Variants in LAMA2 observed in about 807,000 individuals in gnomAD.
LAMA2 encodes laminin subunit alpha 2.
A neutral mutation model predicts 364.8 loss-of-function variants in LAMA2; 269 were observed. The ratio of observed to expected loss-of-function variants is 0.74; its 90% confidence interval spans 0.67 to 0.82. The LOEUF is 0.82. LAMA2 is among the 40% of genes least tolerant of loss of function. LAMA2 has a pLI of 0.00. For synonymous variants in LAMA2, 1,379 were observed against 1,370.6 expected, an observed-to-expected ratio of 1.01 and a Z score of -0.14; for missense variants, 3,807 against 3,873.2, an observed-to-expected ratio of 0.98 and a Z score of 0.45.
At chr6:129,060,487 A>G (rs1401658052) in intron 3 of LAMA2, among the ~76,000 whole-genome samples, 1 of 152,214 alleles carries the variant, frequency 6.6e-6, no homozygotes, top group Non-Finnish European at 1.5e-5. Flanking sequence ...TCTCTTCACA[A>G]TATTCAGGTC....
chr6:129,325,310 G>T (rs1187432511), intron 28 of LAMA2, among the ~76,000 whole-genome samples: 1 of 152,128 alleles, frequency 6.6e-6, no homozygotes, highest in Non-Finnish European at 1.5e-5. Context: ...AGGAGCTCAG[G>T]AAAGTATTTA....
intron 19 of LAMA2, among the ~76,000 whole-genome samples, chr6:129,290,930 A>C (rs1789652377): frequency 1.3e-5 from 2 of 152,172 alleles, no homozygotes; most frequent in Admixed American, 1.3e-4. Context: ...AGATACTTGA[A>C]ATGATGTTTT....
chr6:129,103,600 G>T (rs74683518), intron 4 of LAMA2, among the ~76,000 whole-genome samples: 2 of 152,202 alleles, frequency 1.3e-5, no homozygotes, highest in African/African-American at 4.8e-5. Context: ...GATATTTAGA[G>T]ATATTTTATA....
At chr6:129,138,613 T>C (rs10499152) in intron 4 of LAMA2, among the ~76,000 whole-genome samples, 12,337 of 152,226 alleles carry the variant, frequency 0.081, 596 homozygotes, top group Non-Finnish European at 0.11. Context: ...GTTTCATATA[T>C]TCATGGTACT....
At chr6:129,430,338 T>C (rs1781527779) in intron 41 of LAMA2, among the ~76,000 whole-genome samples, 1 of 152,220 alleles carries the variant, frequency 6.6e-6, no homozygotes, top group South Asian at 2.1e-4. Context: ...TTGGTTCAAT[T>C]CAGTACAGTT....
chr6:129,387,161 TA>T (rs1455353193), intron 35 of LAMA2, among the ~76,000 whole-genome samples: 1 of 152,242 alleles, frequency 6.6e-6, no homozygotes, highest in Non-Finnish European at 1.5e-5. Context: ...CTCATGTTTT[TA>T]TTTTCCTTTT....
intron 4 of LAMA2, among the ~76,000 whole-genome samples, chr6:129,111,373 A>G (rs973702154): frequency 5.3e-5 from 8 of 152,080 alleles, no homozygotes; most frequent in African/African-American, 1.9e-4. Context: ...GCAAAGGAAA[A>G]TGGCAGTCCT....
chr6:129,314,508 C>T, intron 23 of LAMA2, 147 bp from the exon 24 acceptor site: 1 of 702,826 alleles, frequency 1.4e-6, no homozygotes. Context: ...ACTACATGTG[C>T]CATTTGAGAT....
rs1160760839 is a variant in LAMA2 at position 129,251,935 on chromosome 6, CA to C, written c.1885-140del. 1,063 of 580,070 alleles carry C rather than the reference CA, an allele frequency of 1.8e-3. 1 individual carries two copies. Among genetic ancestry groups the C allele is most frequent in the African/African-American group, 9.4e-3 (482 of 51,130 alleles). 35.9% of individuals were successfully genotyped at this position (580,070 alleles called of 1,614,324 possible). On this transcript the variant is annotated intron_variant, in intron 13 of 64. Coordinates refer to ENST00000421865, the MANE Select transcript of LAMA2 (RefSeq NM_000426.4). ...GGGGGATAGAGCGAGACTCTGTCTC[CA>C]AAAAAAAATAAATAAATAAAAAATA...
At chr6:129,164,847 T>C (rs1468580760) in intron 8 of LAMA2, among the ~76,000 whole-genome samples, 1 of 152,176 alleles carries the variant, frequency 6.6e-6, no homozygotes, top group Non-Finnish European at 1.5e-5. Context: ...AAAGAATTTA[T>C]CTCTATGATG....
At chr6:129,222,914 C>T (rs573142870) in intron 12 of LAMA2, among the ~76,000 whole-genome samples, 2 of 152,296 alleles carry the variant, frequency 1.3e-5, no homozygotes, top group South Asian at 4.1e-4. Flanking sequence ...TGAGGAATCG[C>T]CCCACTGTCT....
intron 58 of LAMA2, among the ~76,000 whole-genome samples, chr6:129,495,411 G>A (rs898220168): frequency 1.8e-4 from 28 of 151,916 alleles, no homozygotes; most frequent in African/African-American, 5.8e-4. Flanking sequence ...TCATAATATG[G>A]CACCTACTGC....
At chr6:129,465,525 G>T (rs984855945) in intron 51 of LAMA2, among the ~76,000 whole-genome samples, 5 of 151,874 alleles carry the variant, frequency 3.3e-5, no homozygotes, top group African/African-American at 1.2e-4. Context: ...TAATTTGAAA[G>T]CATAAAACTG....
intron 32 of LAMA2, among the ~76,000 whole-genome samples, chr6:129,364,580 A>G (rs560018650): frequency 8.5e-4 from 130 of 152,316 alleles, no homozygotes; most frequent in African/African-American, 3.0e-3. Context: ...GATTCAATAT[A>G]TGTTAATTTT....
intron 12 of LAMA2, among the ~76,000 whole-genome samples, chr6:129,210,402 GCACA>G (rs57169956): frequency 2.7e-5 from 4 of 150,132 alleles, no homozygotes; most frequent in Non-Finnish European, 4.5e-5. Flanking sequence ...GCATGTGCAC[GCACA>G]CACACACACA....
chr6:128,918,377 A>G (rs1778481437), intron 1 of LAMA2, among the ~76,000 whole-genome samples: 1 of 152,190 alleles, frequency 6.6e-6, no homozygotes, highest in Non-Finnish European at 1.5e-5. Context: ...GGTTGTGTTT[A>G]TCTGAAAACC....
At chr6:129,224,674 T>G (rs7774922) in intron 12 of LAMA2, among the ~76,000 whole-genome samples, 20,139 of 152,086 alleles carry the variant, frequency 0.13, 3,316 homozygotes, top group African/African-American at 0.39. Context: ...TTGCATCCCG[T>G]GGATGAAGCC....
chr6:128,900,804 A>AT (rs1050973941), intron 1 of LAMA2, among the ~76,000 whole-genome samples: 2 of 152,108 alleles, frequency 1.3e-5, no homozygotes, highest in Non-Finnish European at 2.9e-5. Flanking sequence ...TGGTTCATCC[A>AT]TTTTTTGCAA....
At chr6:129,400,816 T>C (rs529060223) in intron 37 of LAMA2, among the ~76,000 whole-genome samples, 1 of 152,354 alleles carries the variant, frequency 6.6e-6, no homozygotes, top group African/African-American at 2.4e-5. Flanking sequence ...GAACTCCCAT[T>C]GAATACATCT....
Sources: allele counts gnomAD v4.1 joint callset (sites outside exome capture counted in the v4.1 genomes callset), GRCh38; gene constraint gnomAD v4.1.1; transcripts MANE v1.5; gene names NCBI Gene and HGNC (gene_info 2026-07-23, HGNC 2026-07-21).